LPAR1: variants seen among roughly 807,000 people sequenced by gnomAD.
LPAR1 encodes LPA receptor 1.
Under a neutral mutation model 23.8 loss-of-function variants are expected in LPAR1, and 5 were observed. The observed-to-expected ratio is 0.21, with a 90% CI of 0.11 to 0.44. The LOEUF is 0.44. LPAR1 is among the 20% of genes least tolerant of loss of function. The pLI is 0.99. For synonymous variants in LPAR1, 160 were observed against 164.7 expected (o/e 0.97, Z 0.22); for missense variants, 311 against 482.8 (o/e 0.64, Z 3.33).
intron 5 of LPAR1, among the ~76,000 whole-genome samples, chr9:110,925,348 GA>G: frequency 6.6e-6 from 1 of 152,036 alleles, no homozygotes; most frequent in South Asian, 2.1e-4. Flanking sequence ...AGCAGATGCT[GA>G]AAAACCACTT....
upstream of LPAR1, among the ~76,000 whole-genome samples, chr9:111,038,958 C>G (rs1222455119): frequency 2.0e-5 from 3 of 152,238 alleles, no homozygotes; most frequent in Non-Finnish European, 4.4e-5. The surrounding 1 kb of genome is among the most constrained non-coding windows in gnomAD (Gnocchi z 4.4). Context: ...ACTCGAAAAG[C>G]TCTGGAAAAC....
intron 5 of LPAR1, chr9:110,934,557 G>A (rs2094575724): frequency 6.6e-6 from 1 of 151,954 alleles, no homozygotes; most frequent in Non-Finnish European, 1.5e-5. Context: ...AAGAATCATA[G>A]TCCCTTATTT....
chr9:110,898,363 C>G (rs1038510755), intron 5 of LPAR1, among the ~76,000 whole-genome samples: 1 of 152,216 alleles, frequency 6.6e-6, no homozygotes, highest in East Asian at 1.9e-4. Flanking sequence ...GAAGTAAAAA[C>G]TTTTTTATGT....
At chr9:111,038,915 G>A (rs1225022911), upstream of LPAR1, among the ~76,000 whole-genome samples, 1 of 152,122 alleles carries the variant, frequency 6.6e-6, no homozygotes, top group Non-Finnish European at 1.5e-5. The surrounding 1 kb of genome is among the most constrained non-coding windows in gnomAD (Gnocchi z 4.4). Flanking sequence ...GCCCCGGCAC[G>A]GGGCATTTTC....
intron 2 of LPAR1, among the ~76,000 whole-genome samples, chr9:110,980,564 T>C (rs916157237): frequency 2.6e-5 from 4 of 151,624 alleles, no homozygotes; most frequent in Non-Finnish European, 4.4e-5. Context: ...ATGTGGGAGC[T>C]AAAAAAGTTG....
At chr9:110,979,533 A>G (rs10980674) in intron 2 of LPAR1, among the ~76,000 whole-genome samples, 2,456 of 152,258 alleles carry the variant, frequency 0.016, 58 homozygotes, top group African/African-American at 0.056. Context: ...CAATATGCCC[A>G]CATTAAACAC....
At chr9:110,892,108 T>C (rs1017063768) in intron 5 of LPAR1, among the ~76,000 whole-genome samples, 6 of 152,188 alleles carry the variant, frequency 3.9e-5, no homozygotes, top group Admixed American at 6.5e-5. Context: ...AAAATATTTG[T>C]AATAGTCAGT....
At position 110,873,865 on chromosome 9, in the gene LPAR1, T is replaced by A. The variant is rs888003908; in HGVS notation, c.*1556A>T. The A allele has an allele frequency of 3.9e-5, 6 of 152,292 alleles. No homozygotes were observed. Among genetic ancestry groups the A allele is most frequent in the African/African-American group, 1.2e-4 (5 of 41,464 alleles). The allele number at this position is 152,292 out of a possible 1,614,324, so 9.4% of individuals were successfully genotyped here. A position where few individuals can be genotyped will look rare whatever the true frequency, so the allele number is the denominator to read the frequency against. Reference sequence around the variant, plus strand: ...GCAGGTGTGGCTACCAAGAGCTGGATAACGAGTCCCTCAAACAAAGTTTGG... The same window carrying A: ...GCAGGTGTGGCTACCAAGAGCTGGAAAACGAGTCCCTCAAACAAAGTTTGG... On this transcript the variant is annotated 3_prime_UTR_variant, in exon 6 of 6. Transcript: ENST00000683809.
At chr9:110,969,730 TA>T (rs2096351985) in intron 4 of LPAR1, among the ~76,000 whole-genome samples, 1 of 151,268 alleles carries the variant, frequency 6.6e-6, no homozygotes, top group African/African-American at 2.4e-5. Flanking sequence ...AAAAAAGAAA[TA>T]AATAAAATGA....
At chr9:111,037,537 T>G (rs892348603) in intron 1 of LPAR1, among the ~76,000 whole-genome samples, 9 of 152,194 alleles carry the variant, frequency 5.9e-5, no homozygotes, top group Admixed American at 5.9e-4. Context: ...CCATCAACTT[T>G]CAAAGCCAGG....
intron 5 of LPAR1, among the ~76,000 whole-genome samples, chr9:110,937,907 T>C (rs1430865520): frequency 6.6e-6 from 1 of 152,240 alleles, no homozygotes; most frequent in Non-Finnish European, 1.5e-5. Flanking sequence ...GCACCCATTG[T>C]AGCCAGGAGT....
intron 5 of LPAR1, among the ~76,000 whole-genome samples, chr9:110,922,756 C>CTAGGGAAGATAG (rs2093714927): frequency 6.6e-6 from 1 of 151,050 alleles, no homozygotes; most frequent in African/African-American, 2.4e-5. Context: ...TTAAAGTTGT[C>CTAGGGAAGATAG]TAGGGAAGAT....
chr9:110,953,220 A>G (rs1433635088), intron 4 of LPAR1, among the ~76,000 whole-genome samples: 1 of 152,162 alleles, frequency 6.6e-6, no homozygotes, highest in East Asian at 1.9e-4. Flanking sequence ...TGGACCTCTT[A>G]CACTGGTACC....
intron 5 of LPAR1, among the ~76,000 whole-genome samples, chr9:110,917,191 A>G (rs913965157): frequency 2.0e-5 from 3 of 151,322 alleles, no homozygotes; most frequent in Non-Finnish European, 4.4e-5. Flanking sequence ...TACAAAAAAA[A>G]AAAAAAAATT....
chr9:111,010,784 A>C (rs1399389475), intron 2 of LPAR1, among the ~76,000 whole-genome samples: 1 of 152,202 alleles, frequency 6.6e-6, no homozygotes, highest in African/African-American at 2.4e-5. Flanking sequence ...TAATGATAGG[A>C]AAACCTCACA....
chr9:111,035,901 A>G (rs573740993), intron 2 of LPAR1, among the ~76,000 whole-genome samples: 1 of 152,318 alleles, frequency 6.6e-6, no homozygotes, highest in East Asian at 1.9e-4. Context: ...GGCCCTAAAT[A>G]TCACTTACTT....
intron 5 of LPAR1, among the ~76,000 whole-genome samples, chr9:110,899,462 C>A (rs1180730534): frequency 6.6e-6 from 1 of 152,088 alleles, no homozygotes; most frequent in African/African-American, 2.4e-5. Context: ...ACAGACCTGG[C>A]TTGAGGAGAC....
chr9:110,914,241 T>C (rs2092795948), intron 5 of LPAR1, among the ~76,000 whole-genome samples: 1 of 152,236 alleles, frequency 6.6e-6, no homozygotes, highest in African/African-American at 2.4e-5. Context: ...TTCATACTGC[T>C]AATAAAGACA....
intron 2 of LPAR1, among the ~76,000 whole-genome samples, chr9:111,024,553 T>C (rs1161671492): frequency 2.8e-5 from 1 of 35,330 alleles, no homozygotes; most frequent in Admixed American, 3.0e-4. Context: ...TGTATATATA[T>C]ACACACACAT....
Sources: gnomAD v4.1 joint callset for allele counts (sites outside exome capture counted in the v4.1 genomes callset) on GRCh38, gnomAD v4.1.1 for gene constraint, Gnocchi (gnomAD v3.1) non-coding constraint, MANE v1.5 for transcripts, NCBI Gene and HGNC (gene_info 2026-07-23, HGNC 2026-07-21) for gene names.